RRM2: variants seen among roughly 807,000 people sequenced by gnomAD.
RRM2 encodes ribonucleotide reductase regulatory subunit M2, also known as ribonucleoside-diphosphate reductase subunit M2.
Under a neutral mutation model 45.9 loss-of-function variants are expected in RRM2, and 6 were observed. The observed-to-expected ratio is 0.13, with a 90% CI of 0.07 to 0.26. The LOEUF is 0.26. RRM2 is among the 10% of genes least tolerant of loss of function. RRM2 has a pLI of 1.00. For missense variants in RRM2, 343 were observed against 489.5 expected (o/e 0.70, Z 2.82); for synonymous variants, 177 against 173.0 (o/e 1.02, Z -0.18).
chr2:10,192,507 CA>C (rs1034075494), intron 3 of RRM2: 1 of 154,610 alleles, frequency 6.5e-6, no homozygotes, highest in Non-Finnish European at 1.5e-5. Flanking sequence ...GAGCCCTGCC[CA>C]CTTGTGACCA....
intron 3 of RRM2, among the ~76,000 whole-genome samples, chr2:10,162,825 G>A (rs1319608107): frequency 6.6e-6 from 1 of 152,244 alleles, no homozygotes; most frequent in African/African-American, 2.4e-5. Context: ...TTCACATTGG[G>A]CCACCTGTGC....
rs554909860 is a variant in RRM2 at position 10,124,360 on chromosome 2, C to T, written c.436-357C>T. ...ACCTCAGGTGATCCACCCACCTTGG[C>T]CTCCCAAAGTGTTGGGATTACAGGC... On this transcript the variant is annotated intron_variant, in intron 4 of 9. Coordinates refer to ENST00000304567, the MANE Select transcript of RRM2 (RefSeq NM_001034.4). Among the ~76,000 whole-genome samples, 4 of 152,314 alleles carry T rather than the reference C, an allele frequency of 2.6e-5. No homozygotes were observed. The South Asian group carries it at 8.3e-4, about 32-fold the overall frequency.
chr2:10,137,323 A>G (rs552044998), upstream of RRM2, among the ~76,000 whole-genome samples: 14 of 152,332 alleles, frequency 9.2e-5, no homozygotes, highest in South Asian at 1.0e-3. Flanking sequence ...TGCCAGCCCC[A>G]TGCTGGTCCG....
exon 4 of RRM2, chr2:10,210,446 C>G (rs1293151282): frequency 7.3e-7 from 1 of 1,367,864 alleles, no homozygotes; most frequent in Non-Finnish European, 9.8e-7. Context: ...CTGGAGCGAC[C>G]CTGTTTCAGA....
rs1268124162 is a variant in RRM2, at chr2:10,148,653, C to T, written n.482+6278C>T. 5.9e-5 allele frequency among the ~76,000 whole-genome samples: 9 copies of T among 152,206 alleles called. No homozygotes were observed. The East Asian group carries it at 9.6e-4, about 16-fold the overall frequency. ...TTTTTATTTAGCTGTTTCCCCCTTT[C>T]TTTTATATTTTTAGTCTAGTTACTT... On this transcript the variant is annotated intron_variant and non_coding_transcript_variant, in intron 3 of 3. Coordinates refer to the RRM2 transcript ENST00000381786.
At chr2:10,155,428 G>A (rs1663403431) in intron 3 of RRM2, among the ~76,000 whole-genome samples, 1 of 152,172 alleles carries the variant, frequency 6.6e-6, no homozygotes. Context: ...CCAGGGGGCA[G>A]CCCGGAGGGA....
intron 3 of RRM2, among the ~76,000 whole-genome samples, chr2:10,151,371 C>T (rs1201502149): frequency 6.7e-6 from 1 of 149,752 alleles, no homozygotes; most frequent in African/African-American, 2.5e-5. Flanking sequence ...GATCTTGGCT[C>T]ACTACAGCCT....
chr2:10,163,690 C>A (rs988070077), intron 3 of RRM2, among the ~76,000 whole-genome samples: 1 of 152,248 alleles, frequency 6.6e-6, no homozygotes, highest in African/African-American at 2.4e-5. Flanking sequence ...AGCCTCGGTT[C>A]CCCGGCTGCC....
intron 3 of RRM2, among the ~76,000 whole-genome samples, chr2:10,143,852 G>T (rs766791138): frequency 2.2e-4 from 33 of 152,210 alleles, no homozygotes; most frequent in Admixed American, 3.9e-4. Flanking sequence ...ATTTGTAGTA[G>T]AGACGGGGTT....
chr2:10,123,624 C>A, intron 3 of RRM2, 94 bp downstream of exon 3: 1 of 1,502,840 alleles, frequency 6.7e-7, no homozygotes, highest in Non-Finnish European at 9.1e-7. Context: ...GGGGGGCTAA[C>A]TGTGGGGCAT....
chr2:10,166,414 G>T (rs1294555669), intron 3 of RRM2, among the ~76,000 whole-genome samples: 1 of 152,204 alleles, frequency 6.6e-6, no homozygotes, highest in Non-Finnish European at 1.5e-5. Context: ...TGGCTTCTGT[G>T]CTCTGCCCCT....
chr2:10,209,562 C>T (rs1664721246), intron 3 of RRM2, among the ~76,000 whole-genome samples: 1 of 151,976 alleles, frequency 6.6e-6, no homozygotes, highest in African/African-American at 2.4e-5. Context: ...GGGACTGCAG[C>T]TGACGTGCTT....
intron 3 of RRM2, among the ~76,000 whole-genome samples, chr2:10,167,012 A>G (rs1663696362): frequency 1.3e-5 from 2 of 152,198 alleles, no homozygotes; most frequent in Non-Finnish European, 2.9e-5. Flanking sequence ...AGGATGGCAG[A>G]TGCTTTGAGA....
intron 3 of RRM2, among the ~76,000 whole-genome samples, chr2:10,173,975 G>A (rs1663861326): frequency 6.6e-6 from 1 of 152,208 alleles, no homozygotes; most frequent in Non-Finnish European, 1.5e-5. Context: ...ACCATTGATT[G>A]AACTGTGTCC....
chr2:10,204,140 G>C lies in RRM2; in HGVS notation n.483-6171G>C, dbSNP rs543068029. Among the ~76,000 whole-genome samples the C allele has an allele frequency of 1.3e-5, 2 of 152,024 alleles. No homozygotes were observed. Among genetic ancestry groups the C allele is most frequent in the East Asian group, 3.9e-4 (2 of 5,122 alleles). On this transcript the variant is annotated intron_variant and non_coding_transcript_variant, in intron 3 of 3. Transcript: ENST00000381786. The surrounding 1 kb of genome is among the most constrained non-coding windows in gnomAD (Gnocchi z 4.0). Reference sequence around the variant, plus strand: ...GCTTGCATCCCAACTACCATCATTGGGACAGAGCCCCTGTGCTTGAGACAA... The same window carrying C: ...GCTTGCATCCCAACTACCATCATTGCGACAGAGCCCCTGTGCTTGAGACAA...
At chr2:10,175,699 G>T (rs1039096991) in intron 3 of RRM2, among the ~76,000 whole-genome samples, 5 of 152,172 alleles carry the variant, frequency 3.3e-5, no homozygotes, top group Admixed American at 1.3e-4. Context: ...CCCGGTTCAA[G>T]TGATTCTCCC....
At chr2:10,133,540 C>A (rs1247541244), downstream of RRM2, among the ~76,000 whole-genome samples, 1 of 152,094 alleles carries the variant, frequency 6.6e-6, no homozygotes, top group Non-Finnish European at 1.5e-5. Flanking sequence ...AGGCACAGGC[C>A]CAGCCCCTCA....
At chr2:10,147,045 C>T (rs1357616033) in intron 3 of RRM2, among the ~76,000 whole-genome samples, 5 of 151,810 alleles carry the variant, frequency 3.3e-5, no homozygotes, top group Non-Finnish European at 5.9e-5. Context: ...CTCTGCCTCC[C>T]GGGTTCAAGC....
intron 3 of RRM2, among the ~76,000 whole-genome samples, chr2:10,150,243 C>T (rs1296200196): frequency 1.3e-5 from 2 of 151,996 alleles, no homozygotes; most frequent in Non-Finnish European, 2.9e-5. Context: ...GTCAGGAGAT[C>T]GAGACCATCC....
Sources: allele counts gnomAD v4.1 joint callset (sites outside exome capture counted in the v4.1 genomes callset), GRCh38; gene constraint gnomAD v4.1.1; non-coding constraint Gnocchi (gnomAD v3.1); transcripts MANE v1.5; gene names NCBI Gene and HGNC (gene_info 2026-07-23, HGNC 2026-07-21).